Variants in CACNA1E observed in about 807,000 individuals in gnomAD.
CACNA1E encodes calcium voltage-gated channel subunit alpha1 E.
CACNA1E carries 40 observed loss-of-function variants against 259.2 expected under a neutral mutation model. The observed-to-expected ratio is 0.15, with a 90% CI of 0.12 to 0.20. CACNA1E has a LOEUF of 0.20. Among genes scored for constraint, CACNA1E ranks in the 10% least tolerant of loss-of-function variants. The pLI is 1.00. For missense variants in CACNA1E, 1,874 were observed against 3,040.1 expected, an observed-to-expected ratio of 0.62 and a Z score of 9.02; for synonymous variants, 1,104 against 1,138.5, an observed-to-expected ratio of 0.97 and a Z score of 0.61.
intron 1 of CACNA1E, among the ~76,000 whole-genome samples, chr1:181,499,962 T>C (rs771069570): frequency 6.6e-5 from 10 of 152,190 alleles, no homozygotes; most frequent in Admixed American, 6.5e-5. Flanking sequence ...AAATTTAGCC[T>C]GAGAGAATGG....
chr1:181,587,615 G>A (rs1279293839), intron 6 of CACNA1E, among the ~76,000 whole-genome samples: 1 of 152,148 alleles, frequency 6.6e-6, no homozygotes, highest in Non-Finnish European at 1.5e-5. Flanking sequence ...CGGGCGCGGT[G>A]GCTCACTCCT....
At chr1:181,731,786 C>T (rs1250559895) in intron 19 of CACNA1E, among the ~76,000 whole-genome samples, 1 of 152,078 alleles carries the variant, frequency 6.6e-6, no homozygotes, top group Non-Finnish European at 1.5e-5. Context: ...GGTCTCTGCA[C>T]TTAGCCTTCT....
chr1:181,686,293 T>G (rs1572598705), intron 7 of CACNA1E, among the ~76,000 whole-genome samples: 1 of 136,900 alleles, frequency 7.3e-6, no homozygotes, highest in African/African-American at 2.8e-5. Context: ...TTTTTTTTTT[T>G]TTTTTTTTTT....
intron 1 of CACNA1E, among the ~76,000 whole-genome samples, chr1:181,488,320 T>C (rs535917686): frequency 1.3e-5 from 2 of 152,344 alleles, no homozygotes; most frequent in African/African-American, 4.8e-5. Flanking sequence ...GGGAAGATGA[T>C]GGCAGCTAAC....
intron 1 of CACNA1E, among the ~76,000 whole-genome samples, chr1:181,394,925 G>C (rs1415213944): frequency 6.6e-6 from 1 of 152,144 alleles, no homozygotes; most frequent in Admixed American, 6.5e-5. Flanking sequence ...GATGGTGCAG[G>C]GCCTTGCTGA....
intron 3 of CACNA1E, among the ~76,000 whole-genome samples, chr1:181,534,980 C>T (rs1668060266): frequency 6.6e-6 from 1 of 151,968 alleles, no homozygotes; most frequent in Non-Finnish European, 1.5e-5. Context: ...GTGTTCTAGA[C>T]AAATGCCAAC....
chr1:181,726,903 A>T (rs1335577437), intron 18 of CACNA1E, among the ~76,000 whole-genome samples: 1 of 152,102 alleles, frequency 6.6e-6, no homozygotes, highest in Non-Finnish European at 1.5e-5. Context: ...AGCCAATAGG[A>T]TGAGCTCATG....
At chr1:181,583,878 A>C (rs1183210669) in intron 6 of CACNA1E, among the ~76,000 whole-genome samples, 1 of 152,098 alleles carries the variant, frequency 6.6e-6, no homozygotes, top group African/African-American at 2.4e-5. Context: ...ACCTGTTTGC[A>C]CTGTCTGTCC....
intron 1 of CACNA1E, among the ~76,000 whole-genome samples, chr1:181,498,175 C>A (rs1032289749): frequency 2.6e-5 from 4 of 152,164 alleles, no homozygotes; most frequent in African/African-American, 9.7e-5. Flanking sequence ...TCATGACCTT[C>A]TCTTGAAATT....
At chr1:181,443,835 G>A (rs545185629) in intron 2 of CACNA1E, among the ~76,000 whole-genome samples, 1 of 152,372 alleles carries the variant, frequency 6.6e-6, no homozygotes, top group Non-Finnish European at 1.5e-5. Flanking sequence ...GAATGTATAT[G>A]TGACAGCTCT....
At chr1:181,779,804 G>C (rs1217931724) in intron 38 of CACNA1E, among the ~76,000 whole-genome samples, 1 of 126,804 alleles carries the variant, frequency 7.9e-6, no homozygotes, top group East Asian at 2.1e-4. Context: ...TCATGTATGT[G>C]TGTATATGCA....
intron 1 of CACNA1E, among the ~76,000 whole-genome samples, chr1:181,506,412 C>A (rs1665717846): frequency 6.6e-6 from 1 of 152,150 alleles, no homozygotes; most frequent in Non-Finnish European, 1.5e-5. Flanking sequence ...ATGGCTCAGG[C>A]CAGAGTGGGT....
intron 1 of CACNA1E, among the ~76,000 whole-genome samples, chr1:181,393,420 G>T (rs529659749): frequency 6.1e-4 from 93 of 152,236 alleles, no homozygotes; most frequent in Admixed American, 2.2e-3. Flanking sequence ...CGTCTTCAAG[G>T]CTTTGAGGAT....
chr1:181,626,545 A>G (rs917898061), intron 6 of CACNA1E, among the ~76,000 whole-genome samples: 1 of 152,186 alleles, frequency 6.6e-6, no homozygotes, highest in African/African-American at 2.4e-5. Flanking sequence ...AACTAGATTT[A>G]CCTTGCATGC....
At chr1:181,419,457 A>T (rs1218379773) in intron 2 of CACNA1E, among the ~76,000 whole-genome samples, 1 of 152,032 alleles carries the variant, frequency 6.6e-6, no homozygotes, top group Non-Finnish European at 1.5e-5. Context: ...CTTCCTGATC[A>T]CCCTATTTAA....
In CACNA1E at chr1:181,785,298, T is replaced by G. The variant is rs1211291698; in HGVS notation, c.5579-20T>G. 6.2e-6 allele frequency: 9 copies of G among 1,455,442 alleles called. No homozygotes were observed. The highest frequency in any genetic ancestry group is 8.7e-6 in the Non-Finnish European group (9 of 1,036,444). 90.2% of individuals were successfully genotyped at this position (1,455,442 alleles called of 1,614,324 possible). Reference sequence around the variant, plus strand: ...ATTATCTACTCCCTGTTCACCATCATGCCACATTTGTGTTTCTAGCCTCTG... The same window carrying G: ...ATTATCTACTCCCTGTTCACCATCAGGCCACATTTGTGTTTCTAGCCTCTG... On this transcript the variant is annotated intron_variant, in intron 41 of 47. Coordinates refer to ENST00000367573, the MANE Select transcript of CACNA1E (RefSeq NM_001205293.3).
chr1:181,452,305 A>G (rs181650536), intron 2 of CACNA1E, among the ~76,000 whole-genome samples: 2 of 152,340 alleles, frequency 1.3e-5, no homozygotes, highest in Admixed American at 6.5e-5. Context: ...ACCTCATTTC[A>G]TTCTTTTAAC....
At chr1:181,322,541 C>T (rs879635002) in intron 1 of CACNA1E, among the ~76,000 whole-genome samples, 5 of 152,224 alleles carry the variant, frequency 3.3e-5, no homozygotes, top group Admixed American at 1.3e-4. Context: ...ATGTGTGGTA[C>T]CTTTCTCATT....
chr1:181,505,433 A>G (rs1209939717), intron 1 of CACNA1E, among the ~76,000 whole-genome samples: 1 of 151,780 alleles, frequency 6.6e-6, no homozygotes, highest in African/African-American at 2.4e-5. Flanking sequence ...ATGCAGTCGC[A>G]CGATCTCAGC....
Sources: gnomAD v4.1 joint callset for allele counts (sites outside exome capture counted in the v4.1 genomes callset) on GRCh38, gnomAD v4.1.1 for gene constraint, MANE v1.5 for transcripts, NCBI Gene and HGNC (gene_info 2026-07-23, HGNC 2026-07-21) for gene names.